Variants in LRRIQ3 observed in about 807,000 individuals in gnomAD.
LRRIQ3 encodes leucine rich repeats and IQ motif containing 3, also known as leucine-rich repeat and IQ domain-containing protein 3.
Under a neutral mutation model 59.3 loss-of-function variants are expected in LRRIQ3, and 75 were observed. That is an observed-to-expected ratio of 1.26 (90% CI 1.05 to 1.53). The LOEUF (loss-of-function observed/expected upper bound fraction) is 1.53, where lower values mean the gene tolerates loss of function less well. Among genes scored for constraint, LRRIQ3 ranks in the 40% most tolerant of loss-of-function variants. LRRIQ3 has a pLI of 0.00. For synonymous variants in LRRIQ3, 250 were observed against 231.3 expected (o/e 1.08, Z -0.73); for missense variants, 831 against 710.0 (o/e 1.17, Z -1.94).
intron 4 of LRRIQ3, among the ~76,000 whole-genome samples, chr1:74,144,740 A>G (rs1647456161): frequency 6.6e-6 from 1 of 151,740 alleles, no homozygotes; most frequent in Admixed American, 6.6e-5. Context: ...AGTTATAAAA[A>G]CCATTATTCC....
At chr1:74,057,210 A>G (rs1296995490) in intron 6 of LRRIQ3, among the ~76,000 whole-genome samples, 1 of 152,176 alleles carries the variant, frequency 6.6e-6, no homozygotes, top group East Asian at 1.9e-4. Flanking sequence ...TCTTCACAGA[A>G]ATAGAAAAAA....
intron 7 of LRRIQ3, among the ~76,000 whole-genome samples, chr1:74,040,146 T>C (rs1653999162): frequency 6.6e-6 from 1 of 152,150 alleles, no homozygotes; most frequent in Non-Finnish European, 1.5e-5. Context: ...GCAATCCTAG[T>C]CTCTGACAAA....
chr1:74,091,900 C>A (rs530327591), intron 5 of LRRIQ3, among the ~76,000 whole-genome samples: 1 of 151,986 alleles, frequency 6.6e-6, no homozygotes, highest in African/African-American at 2.4e-5. Context: ...CTTTAATATT[C>A]GTTTACCTTT....
At chr1:74,114,603 G>C (rs907692531) in intron 4 of LRRIQ3, among the ~76,000 whole-genome samples, 1 of 151,950 alleles carries the variant, frequency 6.6e-6, no homozygotes, top group Admixed American at 6.6e-5. Context: ...AGGCGTGGTG[G>C]CAGGCACCTG....
At chr1:74,096,107 G>T (rs1200389695) in intron 5 of LRRIQ3, among the ~76,000 whole-genome samples, 1 of 151,930 alleles carries the variant, frequency 6.6e-6, no homozygotes, top group Admixed American at 6.6e-5. Context: ...AAAAATAACT[G>T]TTAAGAGTGG....
chr1:74,041,128 A>G (rs540300871), intron 7 of LRRIQ3, 85 bp downstream of exon 7: 1 of 1,086,416 alleles, frequency 9.2e-7, no homozygotes, highest in Admixed American at 2.5e-5. Flanking sequence ...CAAACAGCAT[A>G]CTAATTATTA....
rs565665824 is a variant in LRRIQ3, at chr1:74,031,270, C to T, written c.1719-4301G>A. Among the ~76,000 whole-genome samples, 12 of 152,122 alleles carry T rather than the reference C, an allele frequency of 7.9e-5. No homozygotes were observed. The East Asian group carries it at 2.3e-3, about 29-fold the overall frequency. ...AGCCATCCCATTACTGGGTATATAC[C>T]CAAAGGATTATAAATCATGCTGCTA... is the stretch of plus-strand genomic sequence containing the variant. On this transcript the variant is annotated intron_variant, in intron 7 of 7. Transcript: ENST00000354431.
rs934984808 is a variant in LRRIQ3, at chr1:74,182,850, T to A, written c.261A>T (p.Leu87=). The A allele has an allele frequency of 6.7e-7, 1 of 1,485,530 alleles. No individual in the cohort carries two copies. The allele number at this position is 1,485,530 out of a possible 1,614,324, so 92.0% of individuals were successfully genotyped here. ...ATCCATTCCAAAATTTGGTATTTGG[T>A]AGACTCTTTATCTGAAATATTATTA... is the stretch of plus-strand genomic sequence containing the variant. ...LDLHGNQIKS[L]PNTKFWNGLK... Residue 87 remains leucine (L), a synonymous_variant, in exon 3 of 8, where the codon CTA becomes CTT. Coordinates refer to ENST00000354431, the MANE Select transcript of LRRIQ3 (RefSeq NM_001105659.2).
At chr1:74,111,078 A>G (rs1646687470) in intron 4 of LRRIQ3, among the ~76,000 whole-genome samples, 1 of 152,068 alleles carries the variant, frequency 6.6e-6, no homozygotes, top group Non-Finnish European at 1.5e-5. Context: ...TCTGATGAAT[A>G]TACTTAGTCA....
Position 74,109,479 on chromosome 1 carries a change from G to A in LRRIQ3, c.782C>T (p.Thr261Ile). ...AAGGAGCTTATCTTCATACCCTTTG[G>A]TTATGTAAATCCATTTTGCTTCATA... ...RGYEAKWIYITKGYEDKLLKD... is the reference protein window; with the variant it reads ...RGYEAKWIYIIKGYEDKLLKD... The change falls in exon 5 of 8, where the codon ACC (threonine) becomes ATC (isoleucine). Residue 261 changes from threonine (T) to isoleucine (I), a missense_variant. Physicochemically the swap from Thr to Ile is moderately conservative, Grantham distance 89. Coordinates refer to ENST00000354431, the MANE Select transcript of LRRIQ3 (RefSeq NM_001105659.2). The A allele has an allele frequency of 6.4e-7, 1 of 1,570,088 alleles. No individual in the cohort carries two copies. Among genetic ancestry groups the A allele is most frequent in the Non-Finnish European group, 8.6e-7 (1 of 1,161,658 alleles).
At chr1:74,043,453 G>T (rs1357155779) in intron 6 of LRRIQ3, among the ~76,000 whole-genome samples, 1 of 152,016 alleles carries the variant, frequency 6.6e-6, no homozygotes, top group East Asian at 1.9e-4. Flanking sequence ...TATCAACGTT[G>T]GAAAAGTAAG....
At chr1:74,126,935 A>G (rs1359770966) in intron 4 of LRRIQ3, among the ~76,000 whole-genome samples, 2 of 151,774 alleles carry the variant, frequency 1.3e-5, no homozygotes, top group African/African-American at 4.8e-5. Context: ...TCTCTCCAAT[A>G]CTGAAAGTGG....
chr1:74,084,171 C>G (rs1288891756), intron 5 of LRRIQ3: 1 of 1,547,038 alleles, frequency 6.5e-7, no homozygotes, highest in Admixed American at 2.0e-5. Context: ...TGAATACACA[C>G]ATCCAGCCCA....
intron 6 of LRRIQ3, among the ~76,000 whole-genome samples, chr1:74,070,779 C>G (rs79761573): frequency 0.033 from 5,068 of 151,746 alleles, 306 homozygotes; most frequent in African/African-American, 0.12. Flanking sequence ...AGGAGTTAAA[C>G]TATCTGTCCA....
At chr1:74,123,230 A>G (rs530576457) in intron 4 of LRRIQ3, among the ~76,000 whole-genome samples, 1 of 152,108 alleles carries the variant, frequency 6.6e-6, no homozygotes, top group Admixed American at 6.6e-5. Context: ...CAGGCCTATA[A>G]TGCATAACAA....
intron 6 of LRRIQ3, among the ~76,000 whole-genome samples, chr1:74,043,120 T>C (rs535441272): frequency 6.6e-6 from 1 of 152,278 alleles, no homozygotes; most frequent in African/African-American, 2.4e-5. Context: ...CATTGTTGTT[T>C]GCATATTTAC....
At chr1:74,064,114 T>C (rs969949768) in intron 6 of LRRIQ3, among the ~76,000 whole-genome samples, 1 of 151,876 alleles carries the variant, frequency 6.6e-6, no homozygotes, top group Non-Finnish European at 1.5e-5. Context: ...AGATACTATA[T>C]ATAATGTATA....
chr1:74,194,897 T>C (rs1570294748), intron 1 of LRRIQ3, among the ~76,000 whole-genome samples: 1 of 152,172 alleles, frequency 6.6e-6, no homozygotes, highest in Non-Finnish European at 1.5e-5. Context: ...CTAATTTATA[T>C]TCTTCAACCA....
intron 4 of LRRIQ3, among the ~76,000 whole-genome samples, chr1:74,117,061 C>A (rs908038173): frequency 6.6e-6 from 1 of 152,000 alleles, no homozygotes; most frequent in African/African-American, 2.4e-5. Context: ...AGAATCATCA[C>A]AATAATCATC....
Sources: allele counts gnomAD v4.1 joint callset (sites outside exome capture counted in the v4.1 genomes callset), GRCh38; gene constraint gnomAD v4.1.1; transcripts MANE v1.5; gene names NCBI Gene and HGNC (gene_info 2026-07-23, HGNC 2026-07-21).